The following PCDHGA9 variants were observed in gnomAD, a reference collection of about 807,000 sequenced individuals.
PCDHGA9 encodes the protein protocadherin gamma subfamily A, 9, also known as protocadherin gamma-A9.
Under a neutral mutation model 62.5 loss-of-function variants are expected in PCDHGA9, and 37 were observed. That is an observed-to-expected ratio of 0.59 (90% CI 0.46 to 0.78). PCDHGA9 has a LOEUF of 0.78. PCDHGA9 is among the 30% of genes least tolerant of loss of function. The probability of loss-of-function intolerance (pLI) is 0.00; values close to 1 mark genes in which losing one functional copy is unlikely to be tolerated. For missense variants in PCDHGA9, 1,138 were observed against 1,166.2 expected, an observed-to-expected ratio of 0.98 and a Z score of 0.35; for synonymous variants, 459 against 484.6, an observed-to-expected ratio of 0.95 and a Z score of 0.69.
Position 141,409,638 on chromosome 5 carries a change from C to T in PCDHGA9, c.2424+4262C>T, listed in dbSNP as rs1040366842. The T allele has an allele frequency of 3.1e-6, 5 of 1,613,648 alleles. No homozygotes were observed. The highest frequency in any genetic ancestry group is 1.7e-5 in the Admixed American group (1 of 60,006). ...ATTGCGCAAGTGAGCGCCTCTGACC[C>T]GGATTTGGGGCTCAATGGCCACATC... On this transcript the variant is annotated intron_variant, in intron 1 of 3. Coordinates refer to ENST00000573521, the MANE Select transcript of PCDHGA9 (RefSeq NM_018921.3).
In PCDHGA9 at chr5:141,471,825, A is replaced by G. The variant is rs150400990; in HGVS notation, c.2425-22982A>G. Among the ~76,000 whole-genome samples, 61 of 152,344 alleles carry G rather than the reference A, an allele frequency of 4.0e-4. No individual in the cohort carries two copies. In the East Asian group the frequency reaches 0.011, roughly 27 times the overall value. ...ACATATAAAAGACTACCTATTTTAT[A>G]ATTCCTTTTTAATAAAATATTCAGA... On this transcript the variant is annotated intron_variant, in intron 1 of 3. Coordinates refer to ENST00000573521, the MANE Select transcript of PCDHGA9 (RefSeq NM_018921.3).
At chr5:141,483,737 G>A (rs1052778197) in intron 1 of PCDHGA9, among the ~76,000 whole-genome samples, 4 of 152,102 alleles carry the variant, frequency 2.6e-5, no homozygotes, top group South Asian at 2.1e-4. Context: ...TAGTCAAAAG[G>A]ATATTCCTGA....
intron 1 of PCDHGA9, among the ~76,000 whole-genome samples, chr5:141,474,770 G>A (rs1221980722): frequency 6.6e-6 from 1 of 152,204 alleles, no homozygotes; most frequent in African/African-American, 2.4e-5. Context: ...GAAATAGTAT[G>A]AGGCTCTAAC....
chr5:141,423,693 G>T lies in PCDHGA9; in HGVS notation c.2424+18317G>T, dbSNP rs114008539. On this transcript the variant is annotated intron_variant, in intron 1 of 3. Transcript: ENST00000573521. ...TTATTTCTCTGCCTCCTAATTGTTG[G>T]TGTCTTGGCACAAGTCTTTTAAGGA... 910 of 1,396,244 alleles carry T rather than the reference G, an allele frequency of 6.5e-4. 7 individuals carry two copies. The African/African-American group carries it at 0.012, about 18-fold the overall frequency. 86.5% of individuals were successfully genotyped at this position (1,396,244 alleles called of 1,614,324 possible).
chr5:141,478,497 CGGTGTTCTATAGGCA>C, intron 1 of PCDHGA9: 1 of 1,612,820 alleles, frequency 6.2e-7, no homozygotes, highest in South Asian at 1.1e-5. Flanking sequence ...AGCTGTGATC[CGGTGTTCTATAGGCA>C]GGTGTTGGGT....
intron 1 of PCDHGA9, chr5:141,479,217 A>G (rs1433108919): frequency 1.3e-5 from 2 of 152,400 alleles, no homozygotes; most frequent in Non-Finnish European, 2.9e-5. Context: ...TTAAAAAATT[A>G]AAACTATAAT....
rs750928530 is a variant in PCDHGA9 at position 141,490,174 on chromosome 5, G to T, written c.2425-4633G>T. 1 of 1,614,056 alleles carries T rather than the reference G, an allele frequency of 6.2e-7. No individual in the cohort carries two copies. Among genetic ancestry groups the T allele is most frequent in the South Asian group, 1.1e-5 (1 of 91,086 alleles). ...TGTGTTGGGTCCCATAGACTTTGAG[G>T]AGTCACGTTTCTATGAAATTCATGC... On this transcript the variant is annotated intron_variant, in intron 1 of 3. Transcript: ENST00000573521. This position sits in a 1 kb window ranked among gnomAD's most constrained non-coding sequence, Gnocchi z 5.4.
At chr5:141,409,435 C>T in intron 1 of PCDHGA9, 2 of 1,613,994 alleles carry the variant, frequency 1.2e-6, no homozygotes, top group Non-Finnish European at 1.7e-6. Context: ...GAGCCCTGGA[C>T]CGAGAGCAGA....
At position 141,512,903 on chromosome 5, in the gene PCDHGA9, CAA is replaced by C. The variant is rs2099884494; in HGVS notation, c.*1731_*1732del. The C allele has an allele frequency of 6.6e-6, 1 of 152,224 alleles. No individual in the cohort carries two copies. Among genetic ancestry groups the C allele is most frequent in the African/African-American group, 2.4e-5 (1 of 41,452 alleles). 9.4% of individuals were successfully genotyped at this position (152,224 alleles called of 1,614,324 possible). On this transcript the variant is annotated 3_prime_UTR_variant, in exon 4 of 4. Transcript: ENST00000573521. ...CCCCACCCTCTTCCTGTGTCTCACG[CAA>C]GTTTTATACTCTAATATTTATATGG...
At chr5:141,419,276 CAA>C in intron 1 of PCDHGA9, 4 of 1,614,038 alleles carry the variant, frequency 2.5e-6, no homozygotes, top group Non-Finnish European at 3.4e-6. Flanking sequence ...CTCCATAGCG[CAA>C]GTCAGTGCCT....
At chr5:141,430,834 G>T (rs1317415848) in intron 1 of PCDHGA9, 1 of 1,557,712 alleles carries the variant, frequency 6.4e-7, no homozygotes, top group Non-Finnish European at 8.7e-7. Context: ...CTCTGTGGGA[G>T]ACCGGATGCA....
At chr5:141,498,581 C>A (rs1281809549) in intron 2 of PCDHGA9, among the ~76,000 whole-genome samples, 1 of 152,104 alleles carries the variant, frequency 6.6e-6, no homozygotes, top group East Asian at 1.9e-4. Flanking sequence ...GTATTGAGTT[C>A]TTCAGTAAAC....
intron 1 of PCDHGA9, chr5:141,414,036 A>G: frequency 6.2e-7 from 1 of 1,612,018 alleles, no homozygotes; most frequent in South Asian, 1.1e-5. Context: ...CATTCCGAAA[A>G]TTACCTGACA....
chr5:141,408,597 A>G (rs1389452276), intron 1 of PCDHGA9: 1 of 1,614,042 alleles, frequency 6.2e-7, no homozygotes, highest in Non-Finnish European at 8.5e-7. Context: ...CACGCCCCTC[A>G]ATTTGATAAA....
At chr5:141,470,428 T>A (rs974038419) in intron 1 of PCDHGA9, among the ~76,000 whole-genome samples, 1 of 152,254 alleles carries the variant, frequency 6.6e-6, no homozygotes, top group Non-Finnish European at 1.5e-5. Flanking sequence ...TTTTTCCTTG[T>A]GTGCAATAAT....
At chr5:141,443,704 C>T (rs894128704) in intron 1 of PCDHGA9, among the ~76,000 whole-genome samples, 6 of 152,102 alleles carry the variant, frequency 3.9e-5, no homozygotes, top group Non-Finnish European at 7.4e-5. Flanking sequence ...TATAGAATAA[C>T]ATTTGCATAT....
At chr5:141,426,231 C>A in intron 1 of PCDHGA9, 1 of 158,042 alleles carries the variant, frequency 6.3e-6, no homozygotes, top group Non-Finnish European at 1.4e-5. Flanking sequence ...ATTTTAAAAG[C>A]ACTTTGTGAA....
chr5:141,413,588 A>G, intron 1 of PCDHGA9: 1 of 1,613,922 alleles, frequency 6.2e-7, no homozygotes, highest in Non-Finnish European at 8.5e-7. Context: ...CCAAAATTCC[A>G]AGCAGAAAAT....
At chr5:141,423,034 G>A (rs769232324) in intron 1 of PCDHGA9, 1 of 1,614,200 alleles carries the variant, frequency 6.2e-7, no homozygotes, top group Non-Finnish European at 8.5e-7. Context: ...AGGCCAGAAC[G>A]CCTGGCTGTC....
Sources: gnomAD v4.1 joint callset for allele counts (sites outside exome capture counted in the v4.1 genomes callset) on GRCh38, gnomAD v4.1.1 for gene constraint, Gnocchi (gnomAD v3.1) non-coding constraint, MANE v1.5 for transcripts, NCBI Gene and HGNC (gene_info 2026-07-23, HGNC 2026-07-21) for gene names.